Variants in SLC2A9 observed in about 807,000 individuals in gnomAD.
The protein encoded by SLC2A9 is solute carrier family 2, facilitated glucose transporter member 9.
In SLC2A9, 39 loss-of-function variants were observed where a neutral mutation model predicts 50.6. That is an observed-to-expected ratio of 0.77 (90% confidence interval 0.60 to 1.01). The LOEUF (loss-of-function observed/expected upper bound fraction) is 1.01. Ranked by LOEUF, SLC2A9 falls within the 50% of genes least tolerant of loss-of-function variation. The pLI is 0.00. For synonymous variants in SLC2A9, 324 were observed against 276.9 expected (o/e 1.17, Z -1.69); for missense variants, 686 against 677.6 (o/e 1.01, Z -0.14).
chr4:10,030,020 G>A (rs1763888633), intron 1 of SLC2A9, among the ~76,000 whole-genome samples: 1 of 152,074 alleles, frequency 6.6e-6, no homozygotes, highest in Non-Finnish European at 1.5e-5. Flanking sequence ...GTAATGATAT[G>A]CATGAAATCT....
rs1373707779 is a variant in SLC2A9 at position 9,908,352 on chromosome 4, T to C, written c.1003-7A>G. ...TGTTGGTATAGAACCAAATCTGTAA[T>C]TCAGGAAAGAATGAGCAGAGAGAAT... On this transcript the variant is annotated splice_polypyrimidine_tract_variant and splice_region_variant and intron_variant, in intron 7 of 11. Transcript: ENST00000264784. The C allele has an allele frequency of 1.3e-6, 2 of 1,576,324 alleles. No homozygotes were observed. The highest frequency in any genetic ancestry group is 2.2e-5 in the South Asian group (2 of 90,388).
intron 5 of SLC2A9, among the ~76,000 whole-genome samples, chr4:9,952,885 T>C (rs776070213): frequency 5.9e-5 from 9 of 152,182 alleles, no homozygotes; most frequent in Non-Finnish European, 1.2e-4. Context: ...GTCAGAGCTG[T>C]TTTGGAAGAG....
intron 10 of SLC2A9, among the ~76,000 whole-genome samples, chr4:9,842,491 T>G (rs143762302): frequency 6.6e-6 from 1 of 152,206 alleles, no homozygotes; most frequent in Admixed American, 6.5e-5. Context: ...GAATTATGAA[T>G]TGTAATTACA....
At chr4:9,849,939 T>C (rs1273129462) in intron 10 of SLC2A9, among the ~76,000 whole-genome samples, 1 of 151,302 alleles carries the variant, frequency 6.6e-6, no homozygotes, top group African/African-American at 2.4e-5. Flanking sequence ...GGTGTTGAAA[T>C]AGAAAAGCAA....
intron 3 of SLC2A9, among the ~76,000 whole-genome samples, chr4:9,990,542 T>C (rs938003849): frequency 1.3e-5 from 2 of 152,094 alleles, no homozygotes; most frequent in South Asian, 2.1e-4. Flanking sequence ...TTAGTTCTGG[T>C]AGATATGTCC....
intron 8 of SLC2A9, among the ~76,000 whole-genome samples, chr4:9,894,700 A>G (rs950572906): frequency 2.0e-5 from 3 of 152,248 alleles, no homozygotes; most frequent in Non-Finnish European, 4.4e-5. Flanking sequence ...CAGAGCCAAA[A>G]GTTAAGCTGT....
intron 3 of SLC2A9, among the ~76,000 whole-genome samples, chr4:9,807,286 C>A (rs1402226302): frequency 6.6e-6 from 1 of 152,156 alleles, no homozygotes; most frequent in East Asian, 1.9e-4. Flanking sequence ...ATCTCCCATG[C>A]CCCTGCTCAT....
intron 10 of SLC2A9, among the ~76,000 whole-genome samples, chr4:9,854,628 T>A (rs1730458603): frequency 6.6e-6 from 1 of 152,160 alleles, no homozygotes; most frequent in Admixed American, 6.5e-5. Context: ...ATGATCCTGA[T>A]ACCAAAACCT....
chr4:9,776,702 G>A (rs1020929289), downstream of SLC2A9, among the ~76,000 whole-genome samples: 9 of 152,118 alleles, frequency 5.9e-5, no homozygotes, highest in South Asian at 4.2e-4. Context: ...CCACCATAGC[G>A]TTCTGGTGTT....
chr4:9,915,969 C>T (rs1254138844), intron 7 of SLC2A9, among the ~76,000 whole-genome samples: 1 of 152,152 alleles, frequency 6.6e-6, no homozygotes, highest in Non-Finnish European at 1.5e-5. Flanking sequence ...TCAGATGGAC[C>T]TTCATGTGGT....
At chr4:9,775,857 T>A (rs1476884188), downstream of SLC2A9, among the ~76,000 whole-genome samples, 1 of 152,158 alleles carries the variant, frequency 6.6e-6, no homozygotes, top group Non-Finnish European at 1.5e-5. Flanking sequence ...TAATACACCA[T>A]CTTTGGAGAC....
At chr4:9,959,138 G>A (rs967514023) in intron 5 of SLC2A9, among the ~76,000 whole-genome samples, 9 of 151,896 alleles carry the variant, frequency 5.9e-5, no homozygotes, top group Admixed American at 5.2e-4. Context: ...TTGAGGTTAG[G>A]AGTTGGAGAT....
chr4:9,845,569 A>G (rs891103528), intron 10 of SLC2A9, among the ~76,000 whole-genome samples: 1 of 150,046 alleles, frequency 6.7e-6, no homozygotes, highest in Non-Finnish European at 1.5e-5. Context: ...AGCTGGGACT[A>G]CAGGCGCCCG....
intron 6 of SLC2A9, among the ~76,000 whole-genome samples, chr4:9,938,232 TTC>T (rs1747453691): frequency 6.6e-6 from 1 of 152,166 alleles, no homozygotes; most frequent in East Asian, 1.9e-4. Flanking sequence ...AGGAGAAATT[TTC>T]TGTGTCTCCA....
chr4:9,782,705 G>C (rs762388093), intron 3 of SLC2A9: 1 of 1,614,002 alleles, frequency 6.2e-7, no homozygotes. Flanking sequence ...TCGAACCTAC[G>C]CCATCTCTTC....
downstream of SLC2A9, among the ~76,000 whole-genome samples, chr4:9,779,309 T>A (rs1207159191): frequency 6.6e-6 from 1 of 152,168 alleles, no homozygotes. Flanking sequence ...CCCCAACTGC[T>A]GTACACTTAG....
chr4:10,014,399 C>A (rs537516562), intron 2 of SLC2A9, among the ~76,000 whole-genome samples: 1 of 152,338 alleles, frequency 6.6e-6, no homozygotes, highest in African/African-American at 2.4e-5. Context: ...AGCTCACACT[C>A]AGGGCAGTTT....
chr4:9,890,726 AAG>A lies in SLC2A9; in HGVS notation c.1114-17_1114-16del, dbSNP rs141838570. On this transcript the variant is annotated splice_polypyrimidine_tract_variant and intron_variant, in intron 8 of 11. Coordinates refer to ENST00000264784, the MANE Select transcript of SLC2A9 (RefSeq NM_020041.3). ...ATGACCAAACCCTAGTCCAGGGTAA[AAG>A]AGAGAGAGAGAGCTATTATTCCATT... is the stretch of plus-strand genomic sequence containing the variant. The A allele has an allele frequency of 1.0e-3, 1,610 of 1,579,248 alleles. No individual in the cohort carries two copies. Among genetic ancestry groups the A allele is most frequent in the Non-Finnish European group, 1.2e-3 (1,420 of 1,152,384 alleles).
chr4:9,918,116 G>A (rs368193732), intron 7 of SLC2A9, among the ~76,000 whole-genome samples: 3 of 152,264 alleles, frequency 2.0e-5, no homozygotes, highest in East Asian at 3.9e-4. Context: ...GCTGTTTGGG[G>A]CTTGAATAAA....
Sources: allele counts gnomAD v4.1 joint callset (sites outside exome capture counted in the v4.1 genomes callset), GRCh38; gene constraint gnomAD v4.1.1; transcripts MANE v1.5; gene names NCBI Gene and HGNC (gene_info 2026-07-23, HGNC 2026-07-21).